The following ZER1 variants were observed in gnomAD, a reference collection of about 807,000 sequenced individuals.
ZER1 encodes the protein zyg-11 related cell cycle regulator.
A neutral mutation model predicts 78.8 loss-of-function variants in ZER1; 11 were observed. The ratio of observed to expected loss-of-function variants is 0.14; its 90% confidence interval spans 0.09 to 0.23. ZER1 has a LOEUF of 0.23. Among genes scored for constraint, ZER1 ranks in the 10% least tolerant of loss-of-function variants. The pLI is 1.00. For missense variants in ZER1, 588 were observed against 996.9 expected (o/e 0.59, Z 5.52); for synonymous variants, 400 against 407.0 (o/e 0.98, Z 0.21).
intron 13 of ZER1, among the ~76,000 whole-genome samples, chr9:128,739,711 T>C (rs1051400883): frequency 2.0e-5 from 3 of 151,958 alleles, no homozygotes; most frequent in Non-Finnish European, 2.9e-5. Flanking sequence ...TACATGCAGA[T>C]GTTGGCATGT....
Position 128,752,746 on chromosome 9 carries a change from G to C in ZER1, c.850C>G (p.Leu284Val). The C allele has an allele frequency of 6.2e-7, 1 of 1,614,166 alleles. No individual in the cohort carries two copies. Among genetic ancestry groups the C allele is most frequent in the Non-Finnish European group, 8.5e-7 (1 of 1,180,040 alleles). Residue 284 changes from leucine to valine, a missense_variant, in exon 5 of 16, where the codon CTG becomes GTG. By Grantham distance (32) the Leu-to-Val change is conservative. This residue lies in a region of ZER1 where 406 missense variants were observed against 660.1 expected (regional missense o/e 0.62). Coordinates refer to ENST00000291900, the MANE Select transcript of ZER1 (RefSeq NM_006336.4). ...FVQKLGNLMS[L>V]DISGHMILEN... ...AGGATCATGTGGCCAGAGATGTCCA[G>C]GGACATTAGGTTCCCCAGCTTCTGC...
In ZER1 at chr9:128,755,634, C is replaced by T. The variant is rs1863835032; in HGVS notation, c.-69G>A. The T allele has an allele frequency of 6.4e-7, 1 of 1,568,266 alleles. No homozygotes were observed. The highest frequency in any genetic ancestry group is 8.7e-7 in the Non-Finnish European group (1 of 1,147,748). On this transcript the variant is annotated 5_prime_UTR_variant, in exon 2 of 16. The change abolishes the stop of an existing upstream ORF in the 5' untranslated region. Transcript: ENST00000291900. The surrounding 1 kb of genome is among the most constrained non-coding windows in gnomAD (Gnocchi z 5.6). ...GGGGCAACAGTGATTCCTGAATACTCACAGGATCATTGGCAGAGCCACTGC... is the reference window on the plus strand; with the variant it reads ...GGGGCAACAGTGATTCCTGAATACTTACAGGATCATTGGCAGAGCCACTGC...
At chr9:128,737,085 A>G (rs900869774) in intron 13 of ZER1, among the ~76,000 whole-genome samples, 5 of 152,094 alleles carry the variant, frequency 3.3e-5, no homozygotes, top group African/African-American at 1.2e-4. Flanking sequence ...CGGGGGTTGC[A>G]GTGAGCCAAG....
intron 5 of ZER1, 59 bp downstream of exon 5, chr9:128,752,614 C>T: frequency 6.5e-7 from 1 of 1,531,836 alleles, no homozygotes; most frequent in Non-Finnish European, 8.8e-7. Context: ...AGCCACTGCG[C>T]CAGCCTAAAT....
intron 15 of ZER1, 118 bp from the exon 16 acceptor site, chr9:128,731,512 C>T (rs1321661515): frequency 8.7e-6 from 7 of 807,390 alleles, no homozygotes; most frequent in East Asian, 2.8e-5. Flanking sequence ...TGATGCTGAC[C>T]GAATGATGTG....
chr9:128,741,356 G>C (rs1419775128), intron 11 of ZER1, among the ~76,000 whole-genome samples, 179 bp downstream of exon 11: 3 of 152,142 alleles, frequency 2.0e-5, no homozygotes. Context: ...AGGCCATCTG[G>C]GTCTGGAGCT....
intron 8 of ZER1, among the ~76,000 whole-genome samples, chr9:128,743,891 T>A (rs1010415019): frequency 1.5e-4 from 17 of 110,070 alleles, no homozygotes; most frequent in Admixed American, 7.9e-4. Context: ...CAATGGCCCC[T>A]GCTTTTTTTT....
Position 128,750,745 on chromosome 9 carries a change from A to C in ZER1, c.1230T>G (p.Ile410Met). The change falls in exon 8 of 16, where the codon ATT becomes ATG. Residue 410 changes from isoleucine to methionine, a missense_variant. Ile to Met is a conservative substitution (Grantham distance 10). This residue lies in a region of ZER1 where 406 missense variants were observed against 660.1 expected (regional missense o/e 0.62). Transcript: ENST00000291900. ...ALKCHKYDRN[I>M]QVTGSAALFY... ...AGAGAGCGGCGCTGCCTGTCACTTG[A>C]ATGTTCCTGTCATATTTGTGGCACT... 1.2e-6 allele frequency: 2 copies of C among 1,614,136 alleles called. No homozygotes were observed. Among genetic ancestry groups the C allele is most frequent in the East Asian group, 2.2e-5 (1 of 44,882 alleles).
chr9:128,756,373 G>A (rs1001980699), intron 1 of ZER1, among the ~76,000 whole-genome samples: 1 of 152,168 alleles, frequency 6.6e-6, no homozygotes, highest in African/African-American at 2.4e-5. Flanking sequence ...GGAGTGCGGT[G>A]AGCCGACACC....
At position 128,751,191 on chromosome 9, in the gene ZER1, C is replaced by T. The variant is rs767563413; in HGVS notation, c.1116G>A (p.Ser372=). 11 of 1,609,024 alleles carry T rather than the reference C, an allele frequency of 6.8e-6. No individual in the cohort carries two copies. The highest frequency in any genetic ancestry group is 1.6e-4 in the Middle Eastern group (1 of 6,078). Reference sequence around the variant, plus strand: ...TGTCAAAAAGCAAGTTGATGGCCCGCGAGGTGATCTCAGGCCGGTGCTCCG... The same window carrying T: ...TGTCAAAAAGCAAGTTGATGGCCCGTGAGGTGATCTCAGGCCGGTGCTCCG... The part of the protein sequence containing the change: ...AYTEHRPEIT[S]RAINLLFDIA... Residue 372 remains serine, a synonymous_variant, in exon 7 of 16, where the codon TCG becomes TCA. Transcript: ENST00000291900. This position sits in a 1 kb window ranked among gnomAD's most constrained non-coding sequence, Gnocchi z 5.4.
chr9:128,738,690 C>CT (rs967062572), intron 13 of ZER1, among the ~76,000 whole-genome samples: 5 of 150,638 alleles, frequency 3.3e-5, no homozygotes, highest in African/African-American at 9.7e-5. Context: ...TGACCTTCTT[C>CT]TTTTTTTTAA....
At chr9:128,760,404 G>C (rs577929929) in intron 1 of ZER1, among the ~76,000 whole-genome samples, 2 of 151,856 alleles carry the variant, frequency 1.3e-5, no homozygotes, top group Non-Finnish European at 2.9e-5. Flanking sequence ...GGGTTTAACC[G>C]TGTTAGCCAG....
rs1194094925 is a variant in ZER1 at position 128,741,524 on chromosome 9, G to T, written c.1737+11C>A. The T allele has an allele frequency of 8.7e-6, 14 of 1,613,922 alleles. No individual in the cohort carries two copies. Among genetic ancestry groups the T allele is most frequent in the Non-Finnish European group, 1.2e-5 (14 of 1,179,926 alleles). ...GCTGAGGCAGCTGCTGCTGCAGGAG[G>T]TGGACACTACCTTCAGGCAGTCCAG... On this transcript the variant is annotated intron_variant, in intron 11 of 15. Coordinates refer to ENST00000291900, the MANE Select transcript of ZER1 (RefSeq NM_006336.4).
rs1242422246 is a variant in ZER1 at position 128,735,350 on chromosome 9, G to A, written c.2124C>T (p.Asn708=). The part of the protein sequence containing the change: ...SQHWATWALY[N]LVSVYPDKYC... ...GGCACTCACGGTAGACAGACACGAG[G>A]TTATACAGGGCCCAGGTTGCCCAGT... Residue 708 remains asparagine, a synonymous_variant, in exon 14 of 16, where the codon AAC becomes AAT. Transcript: ENST00000291900. 2.5e-6 allele frequency: 4 copies of A among 1,613,766 alleles called. No individual in the cohort carries two copies. The highest frequency in any genetic ancestry group is 3.4e-6 in the Non-Finnish European group (4 of 1,179,930).
At position 128,755,588 on chromosome 9, in the gene ZER1, A is replaced by G. The variant is rs1431382011; in HGVS notation, c.-23T>C. 2 of 1,598,842 alleles carry G rather than the reference A, an allele frequency of 1.3e-6. No homozygotes were observed. Among genetic ancestry groups the G allele is most frequent in the South Asian group, 1.1e-5 (1 of 90,790 alleles). The stretch of plus-strand genomic sequence containing the variant: ...CATGCTGGGGGCAAGCAGGTGGGCC[A>G]CTCCAGGACAAGGATCCCCAGGGGC... On this transcript the variant is annotated 5_prime_UTR_variant, in exon 2 of 16. Coordinates refer to ENST00000291900, the MANE Select transcript of ZER1 (RefSeq NM_006336.4). This position sits in a 1 kb window ranked among gnomAD's most constrained non-coding sequence, Gnocchi z 5.6.
In ZER1 at chr9:128,754,362, G is replaced by A. The variant is rs1478592240; in HGVS notation, c.159-403C>T. On this transcript the variant is annotated intron_variant, in intron 2 of 15. Transcript: ENST00000291900. This position sits in a 1 kb window ranked among gnomAD's most constrained non-coding sequence, Gnocchi z 4.3. The stretch of plus-strand genomic sequence containing the variant: ...GAGTTCCCAGCTGGGTACAGGACAA[G>A]CCCTTAATGAAGCCCTGTTGAGACA... Among the ~76,000 whole-genome samples the A allele has an allele frequency of 6.6e-6, 1 of 152,188 alleles. No individual in the cohort carries two copies. Among genetic ancestry groups the A allele is most frequent in the Non-Finnish European group, 1.5e-5 (1 of 68,046 alleles).
chr9:128,752,474 C>A (rs929393738), intron 5 of ZER1, among the ~76,000 whole-genome samples, 199 bp downstream of exon 5: 1 of 152,194 alleles, frequency 6.6e-6, no homozygotes. Flanking sequence ...GTGTCTGCCA[C>A]CATGTCCAGC....
At chr9:128,752,997 C>T in intron 4 of ZER1, 148 bp from the exon 5 acceptor site, 1 of 1,263,102 alleles carries the variant, frequency 7.9e-7, no homozygotes, top group East Asian at 2.4e-5. Flanking sequence ...CCCAAACAGC[C>T]CCAATCCAGC....
In ZER1 at chr9:128,755,643, A is replaced by G; in HGVS notation, c.-78T>C. 6.4e-7 allele frequency: 1 copy of G among 1,554,486 alleles called. No homozygotes were observed. Among genetic ancestry groups the G allele is most frequent in the Non-Finnish European group, 8.8e-7 (1 of 1,140,494 alleles). On this transcript the variant is annotated 5_prime_UTR_variant, in exon 2 of 16. An upstream start codon of the reference 5' UTR is lost. Transcript: ENST00000291900. This position sits in a 1 kb window ranked among gnomAD's most constrained non-coding sequence, Gnocchi z 5.6. ...GTGATTCCTGAATACTCACAGGATCATTGGCAGAGCCACTGCCTGGGGAGT... is the reference window on the plus strand; with the variant it reads ...GTGATTCCTGAATACTCACAGGATCGTTGGCAGAGCCACTGCCTGGGGAGT...
Sources: allele counts gnomAD v4.1 joint callset (sites outside exome capture counted in the v4.1 genomes callset), GRCh38; gene constraint gnomAD v4.1.1; regional missense constraint gnomAD v4.1.1; non-coding constraint Gnocchi (gnomAD v3.1); transcripts MANE v1.5; gene names NCBI Gene and HGNC (gene_info 2026-07-23, HGNC 2026-07-21).